PNPLA8: variants seen among roughly 807,000 people sequenced by gnomAD.
PNPLA8 encodes patatin like domain 8, phospholipase A2.
PNPLA8 carries 39 observed loss-of-function variants against 76.9 expected under a neutral mutation model. The ratio of observed to expected loss-of-function variants is 0.51; its 90% CI spans 0.39 to 0.66. The LOEUF (loss-of-function observed/expected upper bound fraction) is 0.66, where lower values mean the gene tolerates loss of function less well. PNPLA8 is among the 30% of genes least tolerant of loss of function. The pLI, the probability that PNPLA8 is intolerant of heterozygous loss-of-function variation, is 0.00. For synonymous variants in PNPLA8, 301 were observed against 307.9 expected (o/e 0.98, Z 0.24); for missense variants, 887 against 918.0 (o/e 0.97, Z 0.44).
intron 7 of PNPLA8, 109 bp downstream of exon 7, chr7:108,496,475 T>C: frequency 3.2e-6 from 2 of 634,502 alleles, no homozygotes; most frequent in Non-Finnish European, 5.0e-6. Context: ...TTGATATTTT[T>C]CAAATTATAA....
intron 4 of PNPLA8, chr7:108,510,566 C>T (rs937828180): frequency 1.1e-4 from 153 of 1,451,820 alleles, no homozygotes; most frequent in Non-Finnish European, 1.4e-4. Context: ...GCAGCTTCTT[C>T]GCCTTCGTCA....
At chr7:108,477,839 G>C (rs1299621912) in intron 10 of PNPLA8, among the ~76,000 whole-genome samples, 2 of 152,148 alleles carry the variant, frequency 1.3e-5, no homozygotes, top group African/African-American at 2.4e-5. Context: ...TCCAGCCTGG[G>C]CAACAAAGTG....
chr7:108,524,733 T>C (rs1476311859), intron 1 of PNPLA8, among the ~76,000 whole-genome samples: 1 of 152,058 alleles, frequency 6.6e-6, no homozygotes, highest in Non-Finnish European at 1.5e-5. Context: ...AGCAAGAGAA[T>C]CGTTTGAACC....
Position 108,514,914 on chromosome 7 carries a change from G to C in PNPLA8, c.578C>G (p.Thr193Arg), listed in dbSNP as rs567339902. 31 of 1,608,766 alleles carry C rather than the reference G, an allele frequency of 1.9e-5. No individual in the cohort carries two copies. In the South Asian group the frequency reaches 3.0e-4, roughly 16 times the overall value. ...TCCAAATTTTGTGGTTATAGAACTTGTGTAATGAAAAAGACTGCGTTTACC... is the reference window on the plus strand; with the variant it reads ...TCCAAATTTTGTGGTTATAGAACTTCTGTAATGAAAAAGACTGCGTTTACC... ...DIGKRSLFHY[T>R]SSITTKFGDS... Residue 193 changes from threonine to arginine, a missense_variant, in exon 3 of 11, where the codon ACA (threonine) becomes AGA (arginine). Physicochemically the swap from Thr to Arg is moderately conservative, Grantham distance 71. Coordinates refer to ENST00000257694, the MANE Select transcript of PNPLA8 (RefSeq NM_001256007.3).
intron 7 of PNPLA8, among the ~76,000 whole-genome samples, chr7:108,493,568 CTTTTTTTTTTTT>C (rs34935118): frequency 2.5e-5 from 2 of 81,210 alleles, no homozygotes; most frequent in African/African-American, 9.6e-5. Flanking sequence ...CCATGCCTGG[CTTTTTTTTTTTT>C]TTTTTTTTTT....
At chr7:108,473,318 G>A (rs996172630) in intron 10 of PNPLA8, among the ~76,000 whole-genome samples, 6 of 152,040 alleles carry the variant, frequency 3.9e-5, no homozygotes, top group African/African-American at 1.4e-4. Context: ...TTTGTTCTCT[G>A]CAGTTCTGGT....
chr7:108,513,552 A>G (rs1863086773), intron 4 of PNPLA8, among the ~76,000 whole-genome samples: 4 of 152,076 alleles, frequency 2.6e-5, no homozygotes. Flanking sequence ...ATTACAAATA[A>G]TCTTAATAAT....
intron 4 of PNPLA8, among the ~76,000 whole-genome samples, chr7:108,507,374 G>C (rs1191644127): frequency 6.7e-6 from 1 of 148,218 alleles, no homozygotes; most frequent in Non-Finnish European, 1.5e-5. Context: ...AAAGAAACAG[G>C]CTGGGTGAGG....
chr7:108,502,346 G>C (rs549495477), intron 5 of PNPLA8, 145 bp downstream of exon 5: 1 of 623,462 alleles, frequency 1.6e-6, no homozygotes, highest in East Asian at 3.2e-5. Context: ...GAGAGGGTGA[G>C]GCAGGAGAAT....
At chr7:108,527,081 G>T (rs953985203), upstream of PNPLA8, among the ~76,000 whole-genome samples, 1 of 152,078 alleles carries the variant, frequency 6.6e-6, no homozygotes, top group African/African-American at 2.4e-5. Context: ...CGTTGAGGTC[G>T]GGAAAACAGA....
chr7:108,522,317 A>T (rs1252286210), intron 1 of PNPLA8, among the ~76,000 whole-genome samples: 1 of 151,730 alleles, frequency 6.6e-6, no homozygotes, highest in African/African-American at 2.4e-5. Context: ...AAAAAAGAAA[A>T]AAAAAAAACA....
chr7:108,472,693 A>G lies in PNPLA8; in HGVS notation c.2075-18T>C. On this transcript the variant is annotated intron_variant, in intron 10 of 10. Transcript: ENST00000257694. Reference sequence around the variant, plus strand: ...ATGGACTTCTGTTAAAGCAAAAAAGAAAAGGATAAGGGGATAAGAAAAGAG... The same window carrying G: ...ATGGACTTCTGTTAAAGCAAAAAAGGAAAGGATAAGGGGATAAGAAAAGAG... The G allele has an allele frequency of 6.5e-7, 1 of 1,548,368 alleles. No homozygotes were observed. Among genetic ancestry groups the G allele is most frequent in the Non-Finnish European group, 8.7e-7 (1 of 1,152,216 alleles).
At chr7:108,514,003 T>A (rs1366658038) in intron 4 of PNPLA8, 141 bp downstream of exon 4, 1 of 593,120 alleles carries the variant, frequency 1.7e-6, no homozygotes, top group Non-Finnish European at 3.0e-6. Context: ...ATAAATAGGG[T>A]AATTACTGAA....
upstream of PNPLA8, among the ~76,000 whole-genome samples, chr7:108,526,528 A>G (rs1263211016): frequency 6.6e-6 from 1 of 152,166 alleles, no homozygotes; most frequent in South Asian, 2.1e-4. Flanking sequence ...TTCAGCAGAG[A>G]TAAGCCTCCC....
rs370090415 is a variant in PNPLA8 at position 108,498,144 on chromosome 7, A to C, written c.1359-567T>G. On this transcript the variant is annotated intron_variant, in intron 5 of 10. Coordinates refer to ENST00000257694, the MANE Select transcript of PNPLA8 (RefSeq NM_001256007.3). ...AAAAAAACAAAAAACAAAAAAAAAA[A>C]CAAAAAAAACTGGAAAACACTTAAA... 6.7e-3 allele frequency among the ~76,000 whole-genome samples: 1,001 copies of C among 149,518 alleles called. 1 individual carries two copies. The highest frequency in any genetic ancestry group is 0.011 in the Non-Finnish European group (727 of 67,064).
At chr7:108,475,274 G>T (rs945421856) in intron 10 of PNPLA8, among the ~76,000 whole-genome samples, 1 of 152,204 alleles carries the variant, frequency 6.6e-6, no homozygotes, top group African/African-American at 2.4e-5. Context: ...TAGAAATAAA[G>T]TACACAATAA....
intron 9 of PNPLA8, among the ~76,000 whole-genome samples, chr7:108,481,226 AC>A (rs1431868124): frequency 6.6e-6 from 1 of 152,206 alleles, no homozygotes. Context: ...TGGAGTAAAT[AC>A]GAGTGCGATC....
chr7:108,519,720 C>G (rs1863605108), intron 2 of PNPLA8, among the ~76,000 whole-genome samples: 1 of 152,058 alleles, frequency 6.6e-6, no homozygotes, highest in Admixed American at 6.6e-5. Flanking sequence ...AAAGCCCCAT[C>G]AGAGATCAAC....
At chr7:108,510,843 A>G in intron 4 of PNPLA8, 1 of 1,598,932 alleles carries the variant, frequency 6.3e-7, no homozygotes, top group Non-Finnish European at 8.5e-7. Flanking sequence ...AAAGAGGCAA[A>G]TAACTTCCTG....
Sources: allele counts gnomAD v4.1 joint callset (sites outside exome capture counted in the v4.1 genomes callset), GRCh38; gene constraint gnomAD v4.1.1; transcripts MANE v1.5; gene names NCBI Gene and HGNC (gene_info 2026-07-23, HGNC 2026-07-21).